The following TLE2 variants were observed in gnomAD, a reference collection of about 807,000 sequenced individuals.
The protein encoded by TLE2 is TLE family member 2, transcriptional corepressor.
In TLE2, 74 loss-of-function variants were observed where a neutral mutation model predicts 97.2. That is an observed-to-expected ratio of 0.76 (90% CI 0.63 to 0.92). The LOEUF (loss-of-function observed/expected upper bound fraction) is 0.92, where lower values mean the gene tolerates loss of function less well. TLE2 is among the 40% of genes least tolerant of loss of function. TLE2 has a pLI of 0.00. For missense variants in TLE2, 1,038 were observed against 1,008.7 expected (o/e 1.03, Z -0.39); for synonymous variants, 499 against 432.1 (o/e 1.15, Z -1.92).
Position 3,000,660 on chromosome 19 carries a change from G to A in TLE2, c.2111C>T (p.Ala704Val). Residue 704 changes from alanine to valine, a missense_variant, in exon 19 of 20, where the codon GCC (alanine) becomes GTC (valine). By Grantham distance (64) the Ala-to-Val change is moderately conservative. Transcript: ENST00000262953. ...LLNAWRTPYG[A>V]SIFQSKESSS... ...ACCGCCGAGTACCTGGAAAATGCTG[G>A]CCCCGTACGGCGTCCTCCAGGCGTT... The A allele has an allele frequency of 6.3e-7, 1 of 1,588,952 alleles. No individual in the cohort carries two copies. Among genetic ancestry groups the A allele is most frequent in the Non-Finnish European group, 8.6e-7 (1 of 1,168,178 alleles).
In TLE2 at chr19:3,005,951, A is replaced by C. The variant is rs755062143; in HGVS notation, c.1518T>G (p.Ile506Met). The C allele has an allele frequency of 6.2e-7, 1 of 1,610,344 alleles. No homozygotes were observed. The highest frequency in any genetic ancestry group is 1.7e-5 in the Admixed American group (1 of 59,956). Residue 506 changes from isoleucine to methionine, a missense_variant, in exon 16 of 20, where the codon ATT becomes ATG. Transcript: ENST00000262953. ...CATCCGGCAGCAACTTGCAGGAACG[A>C]ATGTAGTTGTCTCGGTTCTGGGGTC... ...QLDCLNRDNY[I>M]RSCKLLPDGR...
chr19:3,004,797 G>T lies in TLE2; in HGVS notation c.1896+640C>A, dbSNP rs1304654277. 2.0e-5 allele frequency among the ~76,000 whole-genome samples: 3 copies of T among 152,158 alleles called. No homozygotes were observed. The South Asian group carries it at 6.2e-4, about 32-fold the overall frequency. On this transcript the variant is annotated intron_variant, in intron 17 of 19. Transcript: ENST00000262953. Reference sequence around the variant, plus strand: ...GCAGAGGCCTCAGAGCTGTCCCGGAGTATGGTGTGCATGAGACCAGCCCAT... The same window carrying T: ...GCAGAGGCCTCAGAGCTGTCCCGGATTATGGTGTGCATGAGACCAGCCCAT...
chr19:3,025,340 TACACCACCCGCCAG>T (rs2089923922), intron 4 of TLE2: 1 of 1,258,562 alleles, frequency 7.9e-7, no homozygotes, highest in South Asian at 2.7e-5. Flanking sequence ...GAGTCACAGA[TACACCACCCGCCAG>T]ACGCACACCC....
chr19:3,022,387 G>A (rs1282924176), intron 5 of TLE2, among the ~76,000 whole-genome samples: 4 of 151,698 alleles, frequency 2.6e-5, no homozygotes, highest in African/African-American at 9.7e-5. Flanking sequence ...AAAACTAGCC[G>A]GCATGATGGT....
At chr19:3,031,236 G>T (rs112173780), upstream of TLE2, among the ~76,000 whole-genome samples, 61 of 152,218 alleles carry the variant, frequency 4.0e-4, no homozygotes, top group African/African-American at 1.4e-3. Context: ...GGGTGTCTGG[G>T]AGAGGACCCT....
At position 3,019,432 on chromosome 19, in the gene TLE2, G is replaced by A; in HGVS notation, c.401C>T (p.Pro134Leu). Residue 134 changes from proline to leucine, a missense_variant, in exon 7 of 20, where the codon CCC becomes CTC. Coordinates refer to ENST00000262953, the MANE Select transcript of TLE2 (RefSeq NM_003260.5). The surrounding 1 kb of genome is among the most constrained non-coding windows in gnomAD (Gnocchi z 5.1). ...TGGGCGGGGGGTGAGGGGCACAGGG[G>A]GTGCGTGGTGGGACAGCGGCTGGAG... ...QQLQPLSHHAPPVPLTPRPAG... is the reference protein window; with the variant it reads ...QQLQPLSHHALPVPLTPRPAG... 6.5e-7 allele frequency: 1 copy of A among 1,533,282 alleles called. No homozygotes were observed. The allele number at this position is 1,533,282 out of a possible 1,614,324, so 95.0% of individuals were successfully genotyped here. A position where few individuals can be genotyped will look rare whatever the true frequency, so the allele number is the denominator to read the frequency against.
chr19:3,037,542 C>A (rs944634878), intron 1 of TLE2, among the ~76,000 whole-genome samples: 2 of 152,100 alleles, frequency 1.3e-5, no homozygotes, highest in African/African-American at 2.4e-5. Context: ...GTAGATACCC[C>A]CTAGGGTTAG....
chr19:3,029,233 C>A lies in TLE2; in HGVS notation c.-329G>T. 1 of 293,060 alleles carries A rather than the reference C, an allele frequency of 3.4e-6. No individual in the cohort carries two copies. 18.2% of individuals were successfully genotyped at this position (293,060 alleles called of 1,614,324 possible). A position where few individuals can be genotyped will look rare whatever the true frequency, so the allele number is the denominator to read the frequency against. ...CGGCCGGGTTTCGGTGGCGGCGGCG[C>A]GGGCGGCGGGCCCCGCGCGGAGCCG... On this transcript the variant is annotated 5_prime_UTR_variant, in exon 1 of 20. Transcript: ENST00000262953.
intron 19 of TLE2, among the ~76,000 whole-genome samples, chr19:2,998,690 A>G (rs776743344): frequency 2.0e-5 from 3 of 151,952 alleles, no homozygotes; most frequent in Non-Finnish European, 4.4e-5. Flanking sequence ...TGGGATTACA[A>G]GCGTGAGCCA....
intron 2 of TLE2, 87 bp downstream of exon 2, chr19:3,028,619 C>G: frequency 6.8e-7 from 1 of 1,480,184 alleles, no homozygotes; most frequent in South Asian, 1.1e-5. Context: ...AACCGGGAGC[C>G]CCTCCTCCCC....
At chr19:3,001,673 C>G (rs1188917921) in intron 18 of TLE2, among the ~76,000 whole-genome samples, 1 of 151,590 alleles carries the variant, frequency 6.6e-6, no homozygotes, top group African/African-American at 2.4e-5. Flanking sequence ...GAAAGTCTTG[C>G]TATGTTGCCC....
At chr19:3,044,594 C>T (rs1328080638) in intron 1 of TLE2, among the ~76,000 whole-genome samples, 1 of 152,040 alleles carries the variant, frequency 6.6e-6, no homozygotes, top group Non-Finnish European at 1.5e-5. Flanking sequence ...TAATTTTTGT[C>T]TTTTTAGTAG....
intron 5 of TLE2, among the ~76,000 whole-genome samples, chr19:3,022,504 G>A (rs544122054): frequency 2.0e-4 from 31 of 151,458 alleles, no homozygotes; most frequent in Middle Eastern, 3.4e-3. Flanking sequence ...ACTCCAGCCC[G>A]GGCGACAGAG....
upstream of TLE2, among the ~76,000 whole-genome samples, chr19:3,046,924 C>T (rs1393554834): frequency 2.4e-5 from 3 of 122,824 alleles, no homozygotes; most frequent in African/African-American, 8.9e-5. Context: ...TCCTCCTCCC[C>T]CTCCTCTGCC....
At chr19:3,000,820 C>A in intron 18 of TLE2, 97 bp from the exon 19 acceptor site, 24 of 706,090 alleles carry the variant, frequency 3.4e-5, no homozygotes, top group East Asian at 6.0e-5. Context: ...GGTCTGGCCT[C>A]TCCCTTTTTT....
Position 3,015,644 on chromosome 19 carries a change from C to T in TLE2, c.678+9G>A, listed in dbSNP as rs1487007647. 14 of 1,599,636 alleles carry T rather than the reference C, an allele frequency of 8.8e-6. No homozygotes were observed. The highest frequency in any genetic ancestry group is 1.1e-5 in the Non-Finnish European group (13 of 1,173,788). On this transcript the variant is annotated intron_variant, in intron 9 of 19. Transcript: ENST00000262953. ...CGCCCATCCCAGTCCTGCACCTGCC[C>T]CCACTCACATAAGGTCCTGATGGCT...
intron 4 of TLE2, among the ~76,000 whole-genome samples, chr19:3,026,569 C>T (rs985592503): frequency 2.0e-5 from 3 of 151,986 alleles, no homozygotes; most frequent in Non-Finnish European, 4.4e-5. Context: ...ATATGATAAT[C>T]GCAGAACCCT....
At chr19:3,039,367 C>T (rs1683358797) in intron 1 of TLE2, among the ~76,000 whole-genome samples, 1 of 152,134 alleles carries the variant, frequency 6.6e-6, no homozygotes, top group African/African-American at 2.4e-5. Context: ...TCCCTCCTCT[C>T]ACCTCCTCCC....
At position 3,037,688 on chromosome 19, in the gene TLE2, G is replaced by A. The variant is rs368015523; in HGVS notation, c.63+8038C>T. ...CTCAGGAACTCCAGCCTCTCCCTGA[G>A]TAAGAACTGGGCGGCTGGGGGAGAA... On this transcript the variant is annotated intron_variant, in intron 1 of 18. Transcript: ENST00000426948. Among the ~76,000 whole-genome samples, 39 of 152,214 alleles carry A rather than the reference G, an allele frequency of 2.6e-4. 1 individual carries two copies. Among genetic ancestry groups the A allele is most frequent in the African/African-American group, 8.9e-4 (37 of 41,578 alleles).
Sources: gnomAD v4.1 joint callset for allele counts (sites outside exome capture counted in the v4.1 genomes callset) on GRCh38, gnomAD v4.1.1 for gene constraint, Gnocchi (gnomAD v3.1) non-coding constraint, MANE v1.5 for transcripts, NCBI Gene and HGNC (gene_info 2026-07-23, HGNC 2026-07-21) for gene names.